Variants in TRAF7 observed in about 807,000 individuals in gnomAD.
TRAF7 encodes the protein E3 ubiquitin-protein ligase TRAF7.
In TRAF7, 45 loss-of-function variants were observed where a neutral mutation model predicts 89.3. The observed-to-expected ratio is 0.50, with a 90% CI of 0.40 to 0.65. The LOEUF is 0.65. Among genes scored for constraint, TRAF7 ranks in the 30% least tolerant of loss-of-function variants. The pLI is 0.00. For missense variants in TRAF7, 677 were observed against 918.1 expected (o/e 0.74, Z 3.39); for synonymous variants, 406 against 369.2 (o/e 1.10, Z -1.14).
In TRAF7 at chr16:2,176,394, C is replaced by G; in HGVS notation, c.1998+10C>G. 1 of 1,609,884 alleles carries G rather than the reference C, an allele frequency of 6.2e-7. No homozygotes were observed. The highest frequency in any genetic ancestry group is 8.5e-7 in the Non-Finnish European group (1 of 1,179,402). On this transcript the variant is annotated intron_variant, in intron 20 of 20. Coordinates refer to ENST00000326181, the MANE Select transcript of TRAF7 (RefSeq NM_032271.3). ...GGATAGCACTGTGAAGGTCAGTGCC[C>G]GTGGCTCAGGCCATTCAAAGGGGCT... is the stretch of plus-strand genomic sequence containing the variant.
At chr16:2,164,050 T>C (rs1156920273) in intron 2 of TRAF7, 49 bp downstream of exon 2, 4 of 1,517,902 alleles carry the variant, frequency 2.6e-6, no homozygotes, top group Admixed American at 3.8e-5. Flanking sequence ...ACCCCCAGCA[T>C]GCCCCAGGGA....
rs2093148868 is a variant in TRAF7 at position 2,178,096 on chromosome 16, T to C, written c.*1522T>C. 2.0e-6 allele frequency: 1 copy of C among 503,458 alleles called. No individual in the cohort carries two copies. Among genetic ancestry groups the C allele is most frequent in the Non-Finnish European group, 3.8e-6 (1 of 260,452 alleles). 31.2% of individuals were successfully genotyped at this position (503,458 alleles called of 1,614,324 possible). Reference sequence around the variant, plus strand: ...TTTCTCTGGGGAAATCCGCCTCAGCTCATTCCCAATAAATTAATACTCTTG... The same window carrying C: ...TTTCTCTGGGGAAATCCGCCTCAGCCCATTCCCAATAAATTAATACTCTTG... On this transcript the variant is annotated 3_prime_UTR_variant, in exon 21 of 21. Coordinates refer to ENST00000326181, the MANE Select transcript of TRAF7 (RefSeq NM_032271.3).
At chr16:2,157,010 C>A (rs1404066056) in intron 1 of TRAF7, among the ~76,000 whole-genome samples, 1 of 152,092 alleles carries the variant, frequency 6.6e-6, no homozygotes, top group East Asian at 1.9e-4. Context: ...GCCCACCCTG[C>A]TCTTGGGGGT....
At chr16:2,175,694 C>T (rs1287319368) in intron 17 of TRAF7, 72 bp downstream of exon 17, 36 of 1,591,090 alleles carry the variant, frequency 2.3e-5, no homozygotes, top group Non-Finnish European at 2.7e-5. Context: ...GCACCTGGGG[C>T]TCCATCTGCC....
rs2093132123 is a variant in TRAF7, at chr16:2,175,559, C to T, written c.1563C>T (p.His521=). Reference sequence around the variant, plus strand: ...AGAAGGAGCTCACAGGCCTCAACCACTGGGTGCGGGCCCTGGTGGCTGCCC... The same window carrying T: ...AGAAGGAGCTCACAGGCCTCAACCATTGGGTGCGGGCCCTGGTGGCTGCCC... The part of the protein sequence containing the change: ...KLKKELTGLN[H]WVRALVAAQS... The change falls in exon 17 of 21, where the codon CAC becomes CAT. Residue 521 remains histidine, a synonymous_variant. Transcript: ENST00000326181. 1.2e-6 allele frequency: 2 copies of T among 1,613,154 alleles called. No individual in the cohort carries two copies. The highest frequency in any genetic ancestry group is 1.7e-6 in the Non-Finnish European group (2 of 1,179,990).
intron 5 of TRAF7, among the ~76,000 whole-genome samples, chr16:2,170,932 C>T (rs540009924): frequency 1.3e-5 from 2 of 152,246 alleles, no homozygotes; most frequent in African/African-American, 2.4e-5. Flanking sequence ...CCCCACTCCC[C>T]CTTCTCAGGG....
Position 2,173,946 on chromosome 16 carries a change from G to A in TRAF7, c.1161G>A (p.Lys387=), listed in dbSNP as rs2093124772. The A allele has an allele frequency of 1.9e-6, 3 of 1,564,912 alleles. No individual in the cohort carries two copies. Among genetic ancestry groups the A allele is most frequent in the African/African-American group, 1.4e-5 (1 of 69,700 alleles). ...LGSYDPQQIF[K]CKGTFVGHQG... ...CCTACGACCCTCAGCAGATCTTCAA[G>A]TGCAAAGGGACCTTTGTGGGCCACC... Residue 387 remains lysine, a synonymous_variant, in exon 13 of 21, where the codon AAG becomes AAA. Transcript: ENST00000326181.
chr16:2,176,651 T>C lies in TRAF7; in HGVS notation c.*77T>C. 7 of 1,607,394 alleles carry C rather than the reference T, an allele frequency of 4.4e-6. No homozygotes were observed. Among genetic ancestry groups the C allele is most frequent in the Non-Finnish European group, 5.1e-6 (6 of 1,176,292 alleles). Reference sequence around the variant, plus strand: ...GAGCCAGGCTGGCCACATGGGGTGGTCTCGGGGTTTCTGCCTGCCCCGTGG... The same window carrying C: ...GAGCCAGGCTGGCCACATGGGGTGGCCTCGGGGTTTCTGCCTGCCCCGTGG... On this transcript the variant is annotated 3_prime_UTR_variant, in exon 21 of 21. Coordinates refer to ENST00000326181, the MANE Select transcript of TRAF7 (RefSeq NM_032271.3).
Position 2,174,348 on chromosome 16 carries a change from A to T in TRAF7, c.1346+15A>T, listed in dbSNP as rs1217211451. The T allele has an allele frequency of 1.2e-6, 2 of 1,605,858 alleles. No individual in the cohort carries two copies. Among genetic ancestry groups the T allele is most frequent in the Non-Finnish European group, 1.7e-6 (2 of 1,174,038 alleles). ...TGCATCCAGGGGTGAGTCCAGGCAC[A>T]TGTGTGATCAGTGATTCCCAGGACA... On this transcript the variant is annotated intron_variant, in intron 14 of 20. Transcript: ENST00000326181.
intron 3 of TRAF7, among the ~76,000 whole-genome samples, chr16:2,166,451 C>A (rs188066758): frequency 5.3e-4 from 81 of 152,314 alleles, no homozygotes; most frequent in Non-Finnish European, 1.1e-3. Flanking sequence ...CTCTGTCACC[C>A]AAGCTGGAAT....
Position 2,168,094 on chromosome 16 carries a change from T to C in TRAF7, c.157T>C (p.Tyr53His). The change falls in exon 4 of 21, where the codon TAC (tyrosine) becomes CAC (histidine). Residue 53 changes from tyrosine to histidine, a missense_variant. Coordinates refer to ENST00000326181, the MANE Select transcript of TRAF7 (RefSeq NM_032271.3). This position sits in a 1 kb window ranked among gnomAD's most constrained non-coding sequence, Gnocchi z 4.1. ...TITKADGTST[Y>H]KQHCRTPSSS... ...CCTTGCAGCTGACGGGACCAGCACC[T>C]ACAAGCAGCACTGCAGGACACCCTC... 6.2e-7 allele frequency: 1 copy of C among 1,611,708 alleles called. No individual in the cohort carries two copies.
intron 2 of TRAF7, 123 bp downstream of exon 2, chr16:2,164,124 G>GGT: frequency 1.3e-6 from 1 of 794,440 alleles, no homozygotes; most frequent in South Asian, 1.8e-5. Context: ...AGGGGAGCTC[G>GGT]GTGGGGGGGG....
rs2141294591 is a variant in TRAF7 at position 2,175,504 on chromosome 16, G to A, written c.1508G>A (p.Trp503Ter). Reference protein sequence around the residue: ...FSGSLKAIKVWDIVGTELKLK... With the variant: ...FSGSLKAIKV ...CAGTTGCAGCAATCCCTGCAGGTCT[G>A]GGACATCGTGGGCACTGAGCTGAAG... The change falls in exon 17 of 21, where the codon TGG (tryptophan) becomes TAG (stop). Residue 503 changes from tryptophan to a stop codon, truncating the protein, a stop_gained. Transcript: ENST00000326181. LOFTEE classifies it high-confidence loss of function. 1 of 1,613,400 alleles carries A rather than the reference G, an allele frequency of 6.2e-7. No individual in the cohort carries two copies. The highest frequency in any genetic ancestry group is 1.3e-5 in the African/African-American group (1 of 75,064).
rs1339616138 is a variant in TRAF7 at position 2,160,188 on chromosome 16, G to A, written c.-38-3695G>A. Among the ~76,000 whole-genome samples, 5 of 151,984 alleles carry A rather than the reference G, an allele frequency of 3.3e-5. No individual in the cohort carries two copies. In the East Asian group the frequency reaches 7.8e-4, roughly 24 times the overall value. On this transcript the variant is annotated intron_variant, in intron 1 of 20. Coordinates refer to ENST00000326181, the MANE Select transcript of TRAF7 (RefSeq NM_032271.3). The stretch of plus-strand genomic sequence containing the variant: ...TGGGGTGGACAAAGACCCTGGGCCT[G>A]AATCCCAGATTCAGGCGAGGTCAGG...
rs1278872491 is a variant in TRAF7 at position 2,159,570 on chromosome 16, G to C, written c.-39+3712G>C. Among the ~76,000 whole-genome samples, 1 of 152,208 alleles carries C rather than the reference G, an allele frequency of 6.6e-6. No individual in the cohort carries two copies. Among genetic ancestry groups the C allele is most frequent in the Admixed American group, 6.5e-5 (1 of 15,290 alleles). ...AGGGGGCTGAGGCAGGGGCTGGGCT[G>C]GGGCGGGCAGTCTGTGGGTGCCCTG... is the stretch of plus-strand genomic sequence containing the variant. On this transcript the variant is annotated intron_variant, in intron 1 of 20. Transcript: ENST00000326181. This position sits in a 1 kb window ranked among gnomAD's most constrained non-coding sequence, Gnocchi z 6.5.
chr16:2,173,845 G>A lies in TRAF7; in HGVS notation c.1135+9G>A, dbSNP rs747196141. 7.4e-6 allele frequency: 12 copies of A among 1,611,064 alleles called. No individual in the cohort carries two copies. The South Asian group carries it at 1.3e-4, about 18-fold the overall frequency. On this transcript the variant is annotated intron_variant, in intron 12 of 20. Coordinates refer to ENST00000326181, the MANE Select transcript of TRAF7 (RefSeq NM_032271.3). ...CATGGGCATCCTAGGCTGTGAGTAT[G>A]GACCCGCCGTGGCTCCCGCCCACCC...
intron 3 of TRAF7, among the ~76,000 whole-genome samples, chr16:2,166,146 C>T (rs1222025393): frequency 6.6e-6 from 1 of 152,226 alleles, no homozygotes; most frequent in African/African-American, 2.4e-5. Context: ...GCTCCTTGTG[C>T]CTCGGTGACT....
At position 2,158,077 on chromosome 16, in the gene TRAF7, G is replaced by A. The variant is rs78417949; in HGVS notation, c.-39+2219G>A. ...TTGAACCCAGCTCTGTCTGAGCCCA[G>A]TGCCTGTGGCCTTGACCACGGTGTC... On this transcript the variant is annotated intron_variant, in intron 1 of 20. Transcript: ENST00000326181. The surrounding 1 kb of genome is among the most constrained non-coding windows in gnomAD (Gnocchi z 4.7). Among the ~76,000 whole-genome samples, 492 of 152,348 alleles carry A rather than the reference G, an allele frequency of 3.2e-3. 4 individuals are homozygous for A. Among genetic ancestry groups the A allele is most frequent in the African/African-American group, 0.011 (471 of 41,582 alleles).
Position 2,175,348 on chromosome 16 carries a change from T to C in TRAF7, c.1434T>C (p.His478=). The C allele has an allele frequency of 6.2e-7, 1 of 1,613,546 alleles. No individual in the cohort carries two copies. The highest frequency in any genetic ancestry group is 8.5e-7 in the Non-Finnish European group (1 of 1,179,986). Residue 478 remains histidine (H), a synonymous_variant, in exon 16 of 21, where the codon CAT becomes CAC. Coordinates refer to ENST00000326181, the MANE Select transcript of TRAF7 (RefSeq NM_032271.3). ...AGAAGGTGAACACCATCCGGGCCCA[T>C]GACAACCCGGTGTGCACGCTGGTCT... The part of the protein sequence containing the change: ...NLQKVNTIRA[H]DNPVCTLVSS...
Sources: gnomAD v4.1 joint callset for allele counts (sites outside exome capture counted in the v4.1 genomes callset) on GRCh38, gnomAD v4.1.1 for gene constraint, Gnocchi (gnomAD v3.1) non-coding constraint, MANE v1.5 for transcripts, NCBI Gene and HGNC (gene_info 2026-07-23, HGNC 2026-07-21) for gene names.